The following GRM5 variants were observed in gnomAD, a reference collection of about 807,000 sequenced individuals.
GRM5 encodes metabotropic glutamate receptor 5.
A neutral mutation model predicts 83.1 loss-of-function variants in GRM5; 19 were observed. That is an observed-to-expected ratio of 0.23 (90% confidence interval 0.16 to 0.34). The LOEUF (loss-of-function observed/expected upper bound fraction) is 0.34. Among genes scored for constraint, GRM5 ranks in the 10% least tolerant of loss-of-function variants. The pLI is 1.00. For synonymous variants in GRM5, 675 were observed against 633.6 expected (o/e 1.07, Z -0.98); for missense variants, 1,160 against 1,588.3 (o/e 0.73, Z 4.58).
chr11:88,954,961 A>C lies in GRM5; in HGVS notation c.661+92251T>G, dbSNP rs534813935. ...AAAGACTTTTAGATTTATCTTTCCA[A>C]AATAATAAAATACATGGGGATACTT... On this transcript the variant is annotated intron_variant, in intron 2 of 9. Coordinates refer to ENST00000305447, the MANE Select transcript of GRM5 (RefSeq NM_001143831.3). Among the ~76,000 whole-genome samples, 102 of 152,368 alleles carry C rather than the reference A, an allele frequency of 6.7e-4. 1 individual carries two copies. The South Asian group carries it at 0.012, about 18-fold the overall frequency.
intron 2 of GRM5, among the ~76,000 whole-genome samples, chr11:88,954,369 T>TAA (rs5793367): frequency 0.87 from 131,787 of 151,932 alleles, 59,122 homozygotes; most frequent in Non-Finnish European, 0.98. Context: ...GAGAGAATGC[T>TAA]AAAGTGTTTT....
Position 88,809,565 on chromosome 11 carries a change from A to G in GRM5, c.911+40341T>C, listed in dbSNP as rs535840441. ...GGCATGATTAACTTTGCTATATTCTAGAAAATGGAAACCCAGTGATATTAA... is the reference window on the plus strand; with the variant it reads ...GGCATGATTAACTTTGCTATATTCTGGAAAATGGAAACCCAGTGATATTAA... On this transcript the variant is annotated intron_variant, in intron 3 of 9. Coordinates refer to ENST00000305447, the MANE Select transcript of GRM5 (RefSeq NM_001143831.3). 1.5e-4 allele frequency among the ~76,000 whole-genome samples: 23 copies of G among 152,216 alleles called. No homozygotes were observed. The Middle Eastern group carries it at 0.01, about 68-fold the overall frequency.
At chr11:88,642,343 T>C (rs1404192816) in intron 4 of GRM5, among the ~76,000 whole-genome samples, 5 of 152,156 alleles carry the variant, frequency 3.3e-5, no homozygotes, top group Non-Finnish European at 7.4e-5. Flanking sequence ...CCTAGACCTC[T>C]GGACCTGTGA....
At chr11:88,531,327 AG>A (rs1942002717) in intron 8 of GRM5, among the ~76,000 whole-genome samples, 1 of 152,126 alleles carries the variant, frequency 6.6e-6, no homozygotes, top group Non-Finnish European at 1.5e-5. Context: ...TTGAATAAGA[AG>A]GGGGGTTTAA....
intron 3 of GRM5, among the ~76,000 whole-genome samples, chr11:88,822,408 G>T (rs893359390): frequency 6.6e-6 from 1 of 152,158 alleles, no homozygotes; most frequent in African/African-American, 2.4e-5. Context: ...ATGCAAAAGA[G>T]GTGAAGTTAT....
At chr11:88,767,738 C>A (rs1942650819) in intron 3 of GRM5, among the ~76,000 whole-genome samples, 1 of 151,682 alleles carries the variant, frequency 6.6e-6, no homozygotes, top group Non-Finnish European at 1.5e-5. Flanking sequence ...ATGCTTATTA[C>A]CTGAGTGGCA....
chr11:88,848,813 C>T (rs1944341239), intron 3 of GRM5, among the ~76,000 whole-genome samples: 2 of 152,204 alleles, frequency 1.3e-5, no homozygotes, highest in African/African-American at 2.4e-5. Flanking sequence ...ATGAAATTAA[C>T]ATTTGAAGCA....
At chr11:88,837,900 C>T (rs376461489) in intron 3 of GRM5, among the ~76,000 whole-genome samples, 2 of 151,644 alleles carry the variant, frequency 1.3e-5, no homozygotes, top group Non-Finnish European at 2.9e-5. Context: ...CTGGCTAACA[C>T]GGTGAAACCC....
intron 8 of GRM5, among the ~76,000 whole-genome samples, chr11:88,541,367 G>A (rs1033303655): frequency 6.6e-6 from 1 of 152,182 alleles, no homozygotes; most frequent in East Asian, 1.9e-4. Flanking sequence ...ATGTCAGAGT[G>A]TGATAAGCTA....
At chr11:88,762,085 T>A (rs538128465) in intron 3 of GRM5, among the ~76,000 whole-genome samples, 12 of 151,534 alleles carry the variant, frequency 7.9e-5, no homozygotes, top group Non-Finnish European at 1.6e-4. Flanking sequence ...CCCAAAAACC[T>A]TGGAATACAA....
At chr11:88,696,543 G>A (rs1940907443) in intron 3 of GRM5, among the ~76,000 whole-genome samples, 1 of 152,074 alleles carries the variant, frequency 6.6e-6, no homozygotes, top group African/African-American at 2.4e-5. Flanking sequence ...ACCTTGGTGG[G>A]GTATGTGGTT....
chr11:88,927,800 A>C (rs1022340466), intron 2 of GRM5, among the ~76,000 whole-genome samples: 1 of 152,156 alleles, frequency 6.6e-6, no homozygotes, highest in Non-Finnish European at 1.5e-5. Context: ...AATAACAGTG[A>C]GATTCAGATT....
chr11:89,064,917 A>T (rs3017239), intron 1 of GRM5, among the ~76,000 whole-genome samples: 14,164 of 55,544 alleles, frequency 0.26, 1,148 homozygotes, highest in African/African-American at 0.29. Context: ...TGTGTGTGTG[A>T]GAGAGAGAGA....
chr11:88,708,709 T>C (rs1245516017), intron 3 of GRM5, among the ~76,000 whole-genome samples: 1 of 152,096 alleles, frequency 6.6e-6, no homozygotes, highest in Non-Finnish European at 1.5e-5. Context: ...AAAATTTATA[T>C]AGGAAAATTA....
intron 6 of GRM5, among the ~76,000 whole-genome samples, chr11:88,593,247 C>T (rs79812431): frequency 3.2e-4 from 49 of 152,134 alleles, no homozygotes; most frequent in African/African-American, 8.7e-4. Flanking sequence ...TGAATGAAAT[C>T]GCTGTTAAAC....
chr11:88,583,644 C>G (rs555691367), intron 7 of GRM5, among the ~76,000 whole-genome samples: 143 of 152,172 alleles, frequency 9.4e-4, no homozygotes, highest in Non-Finnish European at 1.4e-3. Flanking sequence ...TGGCTTTGGA[C>G]TGGGGACCTA....
At chr11:88,913,449 G>C (rs971625087) in intron 2 of GRM5, among the ~76,000 whole-genome samples, 2 of 151,898 alleles carry the variant, frequency 1.3e-5, no homozygotes, top group Non-Finnish European at 2.9e-5. Context: ...AGAATTCAGG[G>C]TATTTCCTTC....
At chr11:88,533,432 T>G (rs559033576) in intron 8 of GRM5, among the ~76,000 whole-genome samples, 37 of 152,282 alleles carry the variant, frequency 2.4e-4, no homozygotes, top group African/African-American at 8.9e-4. Context: ...ACCACCCTAT[T>G]TAAAAAGGCA....
intron 8 of GRM5, among the ~76,000 whole-genome samples, chr11:88,560,872 G>A (rs965570488): frequency 9.2e-5 from 14 of 152,172 alleles, no homozygotes; most frequent in African/African-American, 3.4e-4. Flanking sequence ...CAATGTCTGT[G>A]AATAAATAAC....
Sources: gnomAD v4.1 joint callset for allele counts (sites outside exome capture counted in the v4.1 genomes callset) on GRCh38, gnomAD v4.1.1 for gene constraint, MANE v1.5 for transcripts, NCBI Gene and HGNC (gene_info 2026-07-23, HGNC 2026-07-21) for gene names.